ADARB2: variants seen among roughly 807,000 people sequenced by gnomAD.
ADARB2 encodes inactive double-stranded RNA-specific editase B2.
Under a neutral mutation model 62.2 loss-of-function variants are expected in ADARB2, and 25 were observed. The ratio of observed to expected loss-of-function variants is 0.40; its 90% CI spans 0.29 to 0.56. ADARB2 has a LOEUF of 0.56. Ranked by LOEUF, ADARB2 falls within the 20% of genes least tolerant of loss-of-function variation. The pLI, the probability that ADARB2 is intolerant of heterozygous loss-of-function variation, is 0.43. For missense variants in ADARB2, 1,071 were observed against 1,077.4 expected, an observed-to-expected ratio of 0.99 and a Z score of 0.08; for synonymous variants, 572 against 500.8, an observed-to-expected ratio of 1.14 and a Z score of -1.90.
At chr10:1,556,879 C>A (rs774451127) in intron 1 of ADARB2, 2 of 524,042 alleles carry the variant, frequency 3.8e-6, no homozygotes, top group Admixed American at 4.0e-5. Flanking sequence ...AGGTTTGGTA[C>A]CTGAATGAGG....
intron 3 of ADARB2, among the ~76,000 whole-genome samples, chr10:1,313,968 A>ATT (rs1001093994): frequency 6.6e-6 from 1 of 152,142 alleles, no homozygotes; most frequent in Non-Finnish European, 1.5e-5. Flanking sequence ...AAAACCAGTC[A>ATT]CTTGGAACAT....
At chr10:1,556,632 C>T (rs1273823586) in intron 1 of ADARB2, 2 of 529,450 alleles carry the variant, frequency 3.8e-6, no homozygotes, top group Non-Finnish European at 7.8e-6. Flanking sequence ...GCCCTGATGT[C>T]TGTTCTCACA....
chr10:1,510,215 C>G (rs182654103), intron 1 of ADARB2, among the ~76,000 whole-genome samples: 108 of 147,302 alleles, frequency 7.3e-4, no homozygotes, highest in African/African-American at 2.7e-3. Flanking sequence ...AGATCTCGCT[C>G]TGTTGCCCAG....
At chr10:1,439,387 C>A (rs1341416310) in intron 1 of ADARB2, among the ~76,000 whole-genome samples, 9 of 146,152 alleles carry the variant, frequency 6.2e-5, no homozygotes, top group Non-Finnish European at 4.5e-5. Flanking sequence ...AGGCCCTTCA[C>A]TATGGGGCTC....
intron 3 of ADARB2, among the ~76,000 whole-genome samples, chr10:1,315,611 G>A (rs57040620): frequency 0.034 from 5,164 of 152,298 alleles, 316 homozygotes; most frequent in African/African-American, 0.12. Context: ...GAGGTGCCGT[G>A]GTTGCTCCCA....
intron 1 of ADARB2, among the ~76,000 whole-genome samples, chr10:1,448,767 A>C (rs1831000643): frequency 6.6e-6 from 1 of 152,134 alleles, no homozygotes; most frequent in Admixed American, 6.5e-5. Flanking sequence ...GCTTGGTCTA[A>C]ATCAACAGCT....
chr10:1,520,054 C>T (rs1054809321), intron 1 of ADARB2, among the ~76,000 whole-genome samples: 3 of 152,170 alleles, frequency 2.0e-5, no homozygotes, highest in East Asian at 1.9e-4. Flanking sequence ...GGGAAAAGCT[C>T]GCATTGGCAT....
intron 3 of ADARB2, among the ~76,000 whole-genome samples, chr10:1,317,062 G>A (rs539051735): frequency 5.7e-4 from 87 of 152,342 alleles, no homozygotes; most frequent in African/African-American, 1.9e-3. Flanking sequence ...CACTGCCGTG[G>A]CAAAATAAAA....
intron 1 of ADARB2, among the ~76,000 whole-genome samples, chr10:1,433,618 C>T (rs1219581800): frequency 1.3e-5 from 2 of 152,084 alleles, no homozygotes; most frequent in African/African-American, 2.4e-5. Flanking sequence ...GGATTCGATC[C>T]ACTTTGTCCA....
At chr10:1,701,840 GGCGCTC>G (rs1834825276) in intron 1 of ADARB2, among the ~76,000 whole-genome samples, 1 of 148,094 alleles carries the variant, frequency 6.8e-6, no homozygotes, top group Non-Finnish European at 1.5e-5. Flanking sequence ...AGGGAGACCA[GGCGCTC>G]ACCAGTACAC....
At position 1,477,333 on chromosome 10, in the gene ADARB2, A is replaced by T. The variant is rs1254219868; in HGVS notation, c.101-98173T>A. Among the ~76,000 whole-genome samples, 1 of 152,134 alleles carries T rather than the reference A, an allele frequency of 6.6e-6. No homozygotes were observed. The highest frequency in any genetic ancestry group is 1.5e-5 in the Non-Finnish European group (1 of 68,020). ...AATCACAGGCAACTGCTGGCATGACATGCTGTTCCCAAATACCTCACTCCA... is the reference window on the plus strand; with the variant it reads ...AATCACAGGCAACTGCTGGCATGACTTGCTGTTCCCAAATACCTCACTCCA... On this transcript the variant is annotated intron_variant, in intron 1 of 9. Transcript: ENST00000381312. This position sits in a 1 kb window ranked among gnomAD's most constrained non-coding sequence, Gnocchi z 4.5.
intron 1 of ADARB2, among the ~76,000 whole-genome samples, chr10:1,721,630 C>T (rs142104480): frequency 9.6e-4 from 146 of 152,310 alleles, no homozygotes; most frequent in East Asian, 6.4e-3. Flanking sequence ...ATTATTGCAA[C>T]GGCAGCAAAG....
intron 1 of ADARB2, among the ~76,000 whole-genome samples, chr10:1,583,405 G>A (rs1833132889): frequency 6.6e-6 from 1 of 152,194 alleles, no homozygotes; most frequent in Admixed American, 6.5e-5. Flanking sequence ...GCCCTGTGCA[G>A]TGTATAAAGC....
chr10:1,230,230 T>C lies in ADARB2; in HGVS notation c.1513+3464A>G, dbSNP rs547237133. 2.6e-5 allele frequency among the ~76,000 whole-genome samples: 4 copies of C among 152,302 alleles called. No homozygotes were observed. The South Asian group carries it at 8.3e-4, about 32-fold the overall frequency. ...GGCCCTCAGGGCTTCCTTTGTTCCC[T>C]GGGCTTCTTTTGGGAATGTGGTCCT... On this transcript the variant is annotated intron_variant, in intron 6 of 9. Coordinates refer to ENST00000381312, the MANE Select transcript of ADARB2 (RefSeq NM_018702.4).
chr10:1,525,200 T>C (rs1309365231), intron 1 of ADARB2, among the ~76,000 whole-genome samples: 1 of 152,098 alleles, frequency 6.6e-6, no homozygotes, highest in Non-Finnish European at 1.5e-5. Flanking sequence ...TTTTGTATGT[T>C]TGGGGGAGGA....
chr10:1,662,733 C>CG (rs1364248992), intron 1 of ADARB2, among the ~76,000 whole-genome samples: 2 of 152,186 alleles, frequency 1.3e-5, no homozygotes, highest in African/African-American at 4.8e-5. Context: ...CCGCAGGCTC[C>CG]GGTTGCAACA....
intron 1 of ADARB2, among the ~76,000 whole-genome samples, chr10:1,572,720 G>A (rs1034297891): frequency 1.3e-5 from 2 of 152,190 alleles, no homozygotes; most frequent in Non-Finnish European, 2.9e-5. Flanking sequence ...GGGAAGAAGG[G>A]CAGTGAAGAG....
chr10:1,404,416 T>G (rs991857968), intron 1 of ADARB2, among the ~76,000 whole-genome samples: 3 of 152,214 alleles, frequency 2.0e-5, no homozygotes, highest in Non-Finnish European at 4.4e-5. Context: ...GCAGAGATGC[T>G]GCCCATTTGC....
intron 1 of ADARB2, among the ~76,000 whole-genome samples, chr10:1,670,875 T>G (rs534643302): frequency 6.6e-6 from 1 of 152,114 alleles, no homozygotes; most frequent in African/African-American, 2.4e-5. Context: ...CAAAAACGCT[T>G]CCAGACAATG....
Sources: gnomAD v4.1 joint callset for allele counts (sites outside exome capture counted in the v4.1 genomes callset) on GRCh38, gnomAD v4.1.1 for gene constraint, Gnocchi (gnomAD v3.1) non-coding constraint, MANE v1.5 for transcripts, NCBI Gene and HGNC (gene_info 2026-07-23, HGNC 2026-07-21) for gene names.